PLS3: variants seen among roughly 807,000 people sequenced by gnomAD.
The protein encoded by PLS3 is plastin-3.
A neutral mutation model predicts 46.5 loss-of-function variants in PLS3; 11 were observed. The observed-to-expected ratio is 0.24, with a 90% CI of 0.15 to 0.39. The LOEUF (loss-of-function observed/expected upper bound fraction) is 0.39, where lower values mean the gene tolerates loss of function less well. Ranked by LOEUF, PLS3 falls within the 10% of genes least tolerant of loss-of-function variation. The pLI is 1.00. For synonymous variants in PLS3, 167 were observed against 162.2 expected (o/e 1.03, Z -0.22); for missense variants, 308 against 461.8 (o/e 0.67, Z 3.05).
intron 1 of PLS3, among the ~76,000 whole-genome samples, chrX:115,569,855 G>C (rs895045989): frequency 4.5e-5 from 5 of 111,832 alleles, no homozygotes; most frequent in Non-Finnish European, 9.4e-5. Flanking sequence ...TTTCTTTTCA[G>C]GGGCATCATT....
At chrX:115,603,776 T>G (rs2074466372) in intron 1 of PLS3, among the ~76,000 whole-genome samples, 1 of 111,066 alleles carries the variant, frequency 9.0e-6, no homozygotes, top group South Asian at 3.8e-4. Context: ...CAAAAAGAAA[T>G]AAACACATAA....
intron 2 of PLS3, chrX:115,611,046 T>G (rs1556636040): frequency 5.1e-6 from 2 of 391,840 alleles, no homozygotes; most frequent in Non-Finnish European, 8.9e-6. Context: ...CTTAGAGAGG[T>G]AGATTATTAT....
chrX:115,588,007 A>AT (rs2074321401), intron 1 of PLS3, among the ~76,000 whole-genome samples: 1 of 112,230 alleles, frequency 8.9e-6, no homozygotes. Flanking sequence ...AATGAAAATA[A>AT]TGTGTTAGAT....
chrX:115,592,104 G>A (rs1190458890), intron 1 of PLS3, among the ~76,000 whole-genome samples: 1 of 111,891 alleles, frequency 8.9e-6, no homozygotes, highest in African/African-American at 3.2e-5. Context: ...TGCCCACACT[G>A]TGAGTCACCT....
chrX:115,648,850 C>A (rs782415763), intron 15 of PLS3, among the ~76,000 whole-genome samples: 1 of 112,060 alleles, frequency 8.9e-6, no homozygotes, highest in South Asian at 3.7e-4. Context: ...CCTAGAAATA[C>A]TTCACGGATT....
Position 115,606,165 on chromosome X carries a change from C to CTTTTTTTTTTTTTTTTTTTTTTTTTTTT in PLS3, c.-8-4053_-8-4052insTTTTTTTTTTTTTTTTTTTTTTTTTTTT, listed in dbSNP as rs782575149. Among the ~76,000 whole-genome samples, 4 of 30,286 alleles carry CTTTTTTTTTTTTTTTTTTTTTTTTTTTT rather than the reference C, an allele frequency of 1.3e-4. 1 individual carries two copies. Among genetic ancestry groups the CTTTTTTTTTTTTTTTTTTTTTTTTTTTT allele is most frequent in the African/African-American group, 4.9e-4 (3 of 6,114 alleles). 26.3% of individuals were successfully genotyped at this position (30,286 alleles called of 115,157 possible). ...TTTTCTTTCTTTTTTCTTTTCTTTT[C>CTTTTTTTTTTTTTTTTTTTTTTTTTTTT]TTTTTTTTTTTTTTTTTTTTTTTTT... On this transcript the variant is annotated intron_variant, in intron 1 of 15. Coordinates refer to ENST00000355899, the MANE Select transcript of PLS3 (RefSeq NM_005032.7).
At chrX:115,629,995 G>T in intron 5 of PLS3, 28 bp downstream of exon 5, 1 of 1,097,799 alleles carries the variant, frequency 9.1e-7, no homozygotes, top group Non-Finnish European at 1.2e-6. Flanking sequence ...TTTATATCCA[G>T]ATATCCAAAA....
At chrX:115,567,939 G>T (rs1556630318) in intron 1 of PLS3, among the ~76,000 whole-genome samples, 5 of 110,866 alleles carry the variant, frequency 4.5e-5, no homozygotes, top group Non-Finnish European at 1.9e-5. Context: ...TAATAGTTTT[G>T]AATATTCATA....
intron 3 of PLS3, among the ~76,000 whole-genome samples, chrX:115,626,843 A>T (rs1167428680): frequency 9.2e-6 from 1 of 108,372 alleles, no homozygotes; most frequent in East Asian, 2.9e-4. Flanking sequence ...ATATATGTTT[A>T]ATTTATTTTC....
At chrX:115,631,544 G>T (rs1420089117) in intron 5 of PLS3, among the ~76,000 whole-genome samples, 1 of 110,093 alleles carries the variant, frequency 9.1e-6, no homozygotes, top group Non-Finnish European at 1.9e-5. Flanking sequence ...TCCAGTCTGG[G>T]CAACAAAACG....
In PLS3 at chrX:115,649,872, T is replaced by C. The variant is rs991340394; in HGVS notation, c.*311T>C. 50 of 162,760 alleles carry C rather than the reference T, an allele frequency of 3.1e-4. No individual in the cohort carries two copies. Among genetic ancestry groups the C allele is most frequent in the African/African-American group, 1.2e-3 (42 of 33,913 alleles). 13.4% of individuals were successfully genotyped at this position (162,760 alleles called of 1,213,427 possible). A position where few individuals can be genotyped will look rare whatever the true frequency, so the allele number is the denominator to read the frequency against. On this transcript the variant is annotated 3_prime_UTR_variant, in exon 16 of 16. Transcript: ENST00000355899. ...TTGCTGTATGTTATTTCTTGCTCTG[T>C]TATCTTTTGCCCTCTTAGAATGTCC...
At chrX:115,637,503 A>G (rs2074849788) in intron 8 of PLS3, among the ~76,000 whole-genome samples, 1 of 111,935 alleles carries the variant, frequency 8.9e-6, no homozygotes, top group Non-Finnish European at 1.9e-5. Context: ...CTTAAAACAT[A>G]GTATGTGGCA....
chrX:115,649,689 G>C lies in PLS3; in HGVS notation c.*128G>C. 1.8e-6 allele frequency: 1 copy of C among 555,407 alleles called. No individual in the cohort carries two copies. Among genetic ancestry groups the C allele is most frequent in the Non-Finnish European group, 2.8e-6 (1 of 357,875 alleles). 45.8% of individuals were successfully genotyped at this position (555,407 alleles called of 1,213,427 possible). A position where few individuals can be genotyped will look rare whatever the true frequency, so the allele number is the denominator to read the frequency against. On this transcript the variant is annotated 3_prime_UTR_variant, in exon 16 of 16. Coordinates refer to ENST00000355899, the MANE Select transcript of PLS3 (RefSeq NM_005032.7). ...AAAGGACTTTTCATTTTGATTAACA[G>C]GACTAGCTTATCATGAGAGCCCTCA... is the stretch of plus-strand genomic sequence containing the variant.
chrX:115,562,238 G>A (rs1556629664), intron 1 of PLS3, among the ~76,000 whole-genome samples: 1 of 111,732 alleles, frequency 8.9e-6, no homozygotes, highest in Non-Finnish European at 1.9e-5. Flanking sequence ...GACCACCCCC[G>A]CCCTGGCTTC....
intron 1 of PLS3, among the ~76,000 whole-genome samples, chrX:115,578,916 C>T (rs1455330456): frequency 9.0e-6 from 1 of 110,569 alleles, no homozygotes; most frequent in Non-Finnish European, 1.9e-5. Flanking sequence ...TACCTTTACC[C>T]AGTTTCTTCC....
Position 115,634,508 on chromosome X carries a change from C to T in PLS3, c.583-373C>T, listed in dbSNP as rs2074810272. On this transcript the variant is annotated intron_variant, in intron 6 of 15. Coordinates refer to ENST00000355899, the MANE Select transcript of PLS3 (RefSeq NM_005032.7). ...TGATAACTTCTAAAACTCTTTTGGG[C>T]ATATGCAGTACTGTTGGTCTCTCAC... is the stretch of plus-strand genomic sequence containing the variant. Among the ~76,000 whole-genome samples the T allele has an allele frequency of 3.6e-5, 4 of 111,761 alleles. No individual in the cohort carries two copies. The South Asian group carries it at 1.5e-3, about 41-fold the overall frequency.
At chrX:115,623,373 T>C (rs2074675721) in intron 3 of PLS3, among the ~76,000 whole-genome samples, 1 of 109,864 alleles carries the variant, frequency 9.1e-6, no homozygotes, top group Admixed American at 9.8e-5. Context: ...AATTTTTAAT[T>C]AGCCCAGCCT....
At position 115,650,202 on chromosome X, in the gene PLS3, T is replaced by A. The variant is rs782598860; in HGVS notation, c.*641T>A. On this transcript the variant is annotated 3_prime_UTR_variant, in exon 16 of 16. Transcript: ENST00000355899. ...TATTAAACAAGACTGCTGATTTTGC[T>A]ACTTTTTTTAAGGGGTCTTCAAGTA... 1.8e-5 allele frequency: 2 copies of A among 112,221 alleles called. No homozygotes were observed. The highest frequency in any genetic ancestry group is 3.8e-5 in the Non-Finnish European group (2 of 53,219). 9.2% of individuals were successfully genotyped at this position (112,221 alleles called of 1,213,427 possible). A position where few individuals can be genotyped will look rare whatever the true frequency, so the allele number is the denominator to read the frequency against.
chrX:115,607,287 CA>C (rs60614726), intron 1 of PLS3, among the ~76,000 whole-genome samples: 4 of 106,844 alleles, frequency 3.7e-5, no homozygotes, highest in East Asian at 3.0e-4. Context: ...ACAACAACAA[CA>C]AAAAAAAAAC....
Sources: allele counts gnomAD v4.1 joint callset (sites outside exome capture counted in the v4.1 genomes callset), GRCh38; gene constraint gnomAD v4.1.1; transcripts MANE v1.5; gene names NCBI Gene and HGNC (gene_info 2026-07-23, HGNC 2026-07-21).